The following LARGE2 variants were observed in gnomAD, a reference collection of about 807,000 sequenced individuals.
LARGE2 encodes xylosyl- and glucuronyltransferase LARGE2.
LARGE2 carries 63 observed loss-of-function variants against 75.3 expected under a neutral mutation model. The ratio of observed to expected loss-of-function variants is 0.84; its 90% CI spans 0.68 to 1.03. The LOEUF (loss-of-function observed/expected upper bound fraction) is 1.03. Ranked by LOEUF, LARGE2 falls within the 50% of genes least tolerant of loss-of-function variation. LARGE2 has a pLI of 0.00. For missense variants in LARGE2, 925 were observed against 980.6 expected (o/e 0.94, Z 0.76); for synonymous variants, 428 against 420.1 (o/e 1.02, Z -0.23).
rs1477352762 is a variant in LARGE2, at chr11:45,929,013, C to G, written c.*168C>G. ...TGCTATTGTATGGCTGGGGACTGGTCTCTCTCTGCCCCAGCCAGTTTGGGG... is the reference window on the plus strand; with the variant it reads ...TGCTATTGTATGGCTGGGGACTGGTGTCTCTCTGCCCCAGCCAGTTTGGGG... On this transcript the variant is annotated 3_prime_UTR_variant, in exon 14 of 14. Transcript: ENST00000401752. The G allele has an allele frequency of 4.4e-5, 37 of 837,930 alleles. 1 individual carries two copies. In the East Asian group the frequency reaches 9.6e-4, roughly 22 times the overall value. 51.9% of individuals were successfully genotyped at this position (837,930 alleles called of 1,614,324 possible).
Position 45,928,809 on chromosome 11 carries a change from A to G in LARGE2, c.2130A>G (p.Pro710=), listed in dbSNP as rs760007425. 1.2e-6 allele frequency: 2 copies of G among 1,613,402 alleles called. No homozygotes were observed. Among genetic ancestry groups the G allele is most frequent in the East Asian group, 2.2e-5 (1 of 44,870 alleles). Reference sequence around the variant, plus strand: ...GGGCTGCTGCCCTCAAATACCTCCCAGCCCTGCAGCAGCCCCAGAGCCCTG... The same window carrying G: ...GGGCTGCTGCCCTCAAATACCTCCCGGCCCTGCAGCAGCCCCAGAGCCCTG... ...HHGAAALKYL[P]ALQQPQSPAR... The change falls in exon 14 of 14, where the codon CCA becomes CCG. Residue 710 remains proline, a synonymous_variant. Coordinates refer to ENST00000401752, the MANE Select transcript of LARGE2 (RefSeq NM_001300721.2).
chr11:45,923,706 G>A, intron 3 of LARGE2, 151 bp downstream of exon 3: 1 of 709,006 alleles, frequency 1.4e-6, no homozygotes, highest in Non-Finnish European at 2.3e-6. Context: ...AGAACATCCT[G>A]CCGGGCGCGG....
Position 45,923,691 on chromosome 11 carries a change from TTG to T in LARGE2, c.368+138_368+139del, listed in dbSNP as rs2087018383. 11 of 771,494 alleles carry T rather than the reference TTG, an allele frequency of 1.4e-5. No individual in the cohort carries two copies. The South Asian group carries it at 1.8e-4, about 13-fold the overall frequency. The allele number at this position is 771,494 out of a possible 1,614,324, so 47.8% of individuals were successfully genotyped here. A position where few individuals can be genotyped will look rare whatever the true frequency, so the allele number is the denominator to read the frequency against. On this transcript the variant is annotated intron_variant, in intron 3 of 13. Transcript: ENST00000401752. ...TCCCCTTCCTCCCTTAGAAGGGCAG[TTG>T]TAAGAACATCCTGCCGGGCGCGGTG...
chr11:45,921,815 A>G (rs900680132), upstream of LARGE2: 3 of 152,190 alleles, frequency 2.0e-5, no homozygotes, highest in African/African-American at 7.2e-5. Context: ...GTTCTTGTCT[A>G]ACAGGTCACT....
chr11:45,926,785 C>A lies in LARGE2; in HGVS notation c.1239C>A (p.His413Gln). 1 of 1,613,598 alleles carries A rather than the reference C, an allele frequency of 6.2e-7. No homozygotes were observed. Among genetic ancestry groups the A allele is most frequent in the Non-Finnish European group, 8.5e-7 (1 of 1,180,002 alleles). The change falls in exon 10 of 14, where the codon CAC becomes CAA. Residue 413 changes from histidine to glutamine, a missense_variant. This residue lies in a region of LARGE2 where 469 missense variants were observed against 503.8 expected (regional missense o/e 0.93). Transcript: ENST00000401752. The part of the protein sequence containing the change: ...FEFRQQQLTV[H>Q]RVHVTFLPHE... ...TCCGGCAGCAGCAGCTCACTGTGCA[C>A]CGTGTGCATGTCACTTTCCTGCCCC...
Position 45,924,553 on chromosome 11 carries a change from G to T in LARGE2, c.540G>T (p.Gly180=). 6.2e-7 allele frequency: 1 copy of T among 1,613,870 alleles called. No individual in the cohort carries two copies. The change falls in exon 5 of 14, where the codon GGG becomes GGT. Residue 180 remains glycine, a synonymous_variant. Transcript: ENST00000401752. Reference sequence around the variant, plus strand: ...ACAAGCACTACTCCGGCCTCTATGGGCTAATGAAGCTGGTGCTGCCCAGTG... The same window carrying T: ...ACAAGCACTACTCCGGCCTCTATGGTCTAATGAAGCTGGTGCTGCCCAGTG... ...IPNKHYSGLY[G]LMKLVLPSAL...
chr11:45,924,129 G>T (rs762596896), intron 3 of LARGE2, 25 bp from the exon 4 acceptor site: 144 of 1,605,474 alleles, frequency 9.0e-5, no homozygotes, highest in Non-Finnish European at 1.0e-4. Context: ...GGGCCTCTCA[G>T]GCTTCCTCTT....
intron 13 of LARGE2, 107 bp from the exon 14 acceptor site, chr11:45,928,523 T>C: frequency 6.5e-7 from 1 of 1,537,784 alleles, no homozygotes; most frequent in Admixed American, 2.0e-5. Flanking sequence ...CCTTTGGCCC[T>C]TGCTTTAGCT....
intron 10 of LARGE2, 121 bp downstream of exon 10, chr11:45,926,992 C>G: frequency 3.6e-6 from 4 of 1,097,146 alleles, no homozygotes; most frequent in Non-Finnish European, 1.3e-6. Context: ...TCAGGGAGTT[C>G]CAGAAGTTGG....
At chr11:45,925,952 CA>C (rs2087122876) in intron 6 of LARGE2, 86 bp from the exon 7 acceptor site, 4 of 1,150,720 alleles carry the variant, frequency 3.5e-6, no homozygotes, top group Middle Eastern at 2.3e-4. Context: ...ATACCAATGT[CA>C]AAAAACAAAG....
chr11:45,921,787 C>G (rs1037799177), upstream of LARGE2: 1 of 152,170 alleles, frequency 6.6e-6, no homozygotes. Context: ...CCGCTTGAGA[C>G]GGGAGGGGCC....
At position 45,922,811 on chromosome 11, in the gene LARGE2, C is replaced by A; in HGVS notation, c.-62-10C>A. The A allele has an allele frequency of 8.6e-7, 1 of 1,164,076 alleles. No individual in the cohort carries two copies. The highest frequency in any genetic ancestry group is 1.1e-6 in the Non-Finnish European group (1 of 928,240). 72.1% of individuals were successfully genotyped at this position (1,164,076 alleles called of 1,614,324 possible). On this transcript the variant is annotated splice_polypyrimidine_tract_variant and intron_variant, in intron 1 of 13. Coordinates refer to ENST00000401752, the MANE Select transcript of LARGE2 (RefSeq NM_001300721.2). Reference sequence around the variant, plus strand: ...GGGCTGAGTCTCCCATCTCGCCCCTCGGTCCGCAGGGCCTGCGATGGAGCC... The same window carrying A: ...GGGCTGAGTCTCCCATCTCGCCCCTAGGTCCGCAGGGCCTGCGATGGAGCC...
chr11:45,926,515 T>C lies in LARGE2; in HGVS notation c.1082T>C (p.Leu361Pro), dbSNP rs2134742724. The change falls in exon 9 of 14, where the codon CTG (leucine) becomes CCG (proline). Residue 361 changes from leucine (L) to proline (P), a missense_variant. Around this residue, in one of 3 missense-constraint regions of LARGE2, gnomAD observed 469 missense variants for 503.8 expected, o/e 0.93. Transcript: ENST00000401752. ...KHVEFFRNFY[L>P]TFLEYDGNLL... ...GTGGAATTCTTCCGCAATTTCTACC[T>C]GACCTTCCTGGAGTACGATGGGAAC... is the stretch of plus-strand genomic sequence containing the variant. The C allele has an allele frequency of 6.2e-7, 1 of 1,614,152 alleles. No homozygotes were observed. Among genetic ancestry groups the C allele is most frequent in the East Asian group, 2.2e-5 (1 of 44,880 alleles).
rs2087297263 is a variant in LARGE2 at position 45,928,061 on chromosome 11, C to T, written c.1746C>T (p.Tyr582=). ...LLALLDAGTL[Y]TFRYHEWPRG... ...CCTTGCTGGATGCGGGCACTCTCTA[C>T]ACCTTCAGGTAGGAGAGGCTACTTC... is the stretch of plus-strand genomic sequence containing the variant. The change falls in exon 12 of 14, where the codon TAC becomes TAT. Residue 582 remains tyrosine (Y), a synonymous_variant. Coordinates refer to ENST00000401752, the MANE Select transcript of LARGE2 (RefSeq NM_001300721.2). 1.2e-6 allele frequency: 2 copies of T among 1,613,814 alleles called. No homozygotes were observed. The highest frequency in any genetic ancestry group is 3.3e-5 in the Admixed American group (2 of 60,020).
intron 10 of LARGE2, 21 bp downstream of exon 10, chr11:45,926,892 C>T (rs1404000908): frequency 6.3e-7 from 1 of 1,594,150 alleles, no homozygotes; most frequent in East Asian, 2.2e-5. Context: ...AGAGGGCAGC[C>T]CAGGGGGTAT....
In LARGE2 at chr11:45,926,734, G is replaced by C; in HGVS notation, c.1188G>C (p.Leu396=). The C allele has an allele frequency of 6.2e-7, 1 of 1,613,612 alleles. No homozygotes were observed. The highest frequency in any genetic ancestry group is 8.5e-7 in the Non-Finnish European group (1 of 1,179,896). ...AGTTGCAGCAGGCCCTGGCACAACT[G>C]GACGAGGAAGACCCCTGCTTTGAGT... The part of the protein sequence containing the change: ...AEQLQQALAQ[L]DEEDPCFEFR... The change falls in exon 10 of 14, where the codon CTG becomes CTC. Residue 396 remains leucine, a synonymous_variant. Transcript: ENST00000401752.
In LARGE2 at chr11:45,928,001, C is replaced by T. The variant is rs772286211; in HGVS notation, c.1686C>T (p.Arg562=). 43 of 1,613,864 alleles carry T rather than the reference C, an allele frequency of 2.7e-5. No individual in the cohort carries two copies. Among genetic ancestry groups the T allele is most frequent in the Non-Finnish European group, 3.6e-5 (43 of 1,180,024 alleles). ...VVPAFETLRY[R]FSFPHSKVEL... is the part of the protein sequence containing the mutation. ...CGGCATTCGAGACCCTGCGCTACCG[C>T]TTCAGCTTCCCCCATTCCAAGGTGG... The change falls in exon 12 of 14, where the codon CGC becomes CGT. Residue 562 remains arginine, a synonymous_variant. Coordinates refer to ENST00000401752, the MANE Select transcript of LARGE2 (RefSeq NM_001300721.2).
rs1347782173 is a variant in LARGE2, at chr11:45,926,258, C to A, written c.919C>A (p.Leu307Ile). ...FNAVIKEHPGLVQRLPCVWNV... is the reference protein window; with the variant it reads ...FNAVIKEHPGIVQRLPCVWNV... ...CGCTGTGATCAAGGAGCACCCGGGG[C>A]TAGTGCAGCGTCTGCCTTGTGTCTG... is the stretch of plus-strand genomic sequence containing the variant. The change falls in exon 8 of 14, where the codon CTA (leucine) becomes ATA (isoleucine). Residue 307 changes from leucine (L) to isoleucine (I), a missense_variant. Physicochemically the swap from Leu to Ile is conservative, Grantham distance 5 (BLOSUM62 2). Around this residue, in one of 3 missense-constraint regions of LARGE2, gnomAD observed 453 missense variants for 460.2 expected, o/e 0.98. Transcript: ENST00000401752. The A allele has an allele frequency of 6.2e-7, 1 of 1,614,208 alleles. No homozygotes were observed. The highest frequency in any genetic ancestry group is 2.2e-5 in the East Asian group (1 of 44,876).
Position 45,928,611 on chromosome 11 carries a change from C to G in LARGE2, c.1951-19C>G, listed in dbSNP as rs747775044. The stretch of plus-strand genomic sequence containing the variant: ...CCAGGCAAGCCAGGCAGCCACTGCT[C>G]CTCTGCCCCACCCTGCAGGAATATG... On this transcript the variant is annotated intron_variant, in intron 13 of 13. Transcript: ENST00000401752. The G allele has an allele frequency of 2.5e-6, 4 of 1,607,048 alleles. No individual in the cohort carries two copies. The highest frequency in any genetic ancestry group is 3.4e-6 in the Non-Finnish European group (4 of 1,175,292).
Sources: gnomAD v4.1 joint callset for allele counts on GRCh38, gnomAD v4.1.1 for gene constraint, gnomAD v4.1.1 regional missense constraint, MANE v1.5 for transcripts, NCBI Gene and HGNC (gene_info 2026-07-23, HGNC 2026-07-21) for gene names.